The following ABAT variants were observed in gnomAD, a reference collection of about 807,000 sequenced individuals.
ABAT encodes the protein 4-aminobutyrate aminotransferase, also known as 4-aminobutyrate aminotransferase, mitochondrial.
Under a neutral mutation model 64.6 loss-of-function variants are expected in ABAT, and 45 were observed. The observed-to-expected ratio is 0.70, with a 90% CI of 0.55 to 0.89. The LOEUF is 0.89. Ranked by LOEUF, ABAT falls within the 40% of genes least tolerant of loss-of-function variation. The pLI is 0.00. For synonymous variants in ABAT, 297 were observed against 250.5 expected, an observed-to-expected ratio of 1.19 and a Z score of -1.75; for missense variants, 633 against 658.4, an observed-to-expected ratio of 0.96 and a Z score of 0.42.
intron 1 of ABAT, among the ~76,000 whole-genome samples, chr16:8,686,611 A>G (rs1314329119): frequency 6.6e-6 from 1 of 152,158 alleles, no homozygotes; most frequent in African/African-American, 2.4e-5. Context: ...GGAAATGGAA[A>G]CTCAGAAAGG....
intron 5 of ABAT, among the ~76,000 whole-genome samples, chr16:8,755,158 G>T (rs997086626): frequency 6.6e-6 from 1 of 151,702 alleles, no homozygotes; most frequent in African/African-American, 2.4e-5. Flanking sequence ...TTAACTCTCT[G>T]AGGCATGGTG....
rs1350732071 is a variant in ABAT, at chr16:8,746,001, G to T, written c.71G>T (p.Gly24Val). 1.2e-6 allele frequency: 2 copies of T among 1,613,600 alleles called. No homozygotes were observed. Among genetic ancestry groups the T allele is most frequent in the Admixed American group, 3.3e-5 (2 of 59,980 alleles). Reference protein sequence around the residue: ...FQHSYRLLVPGSRHISQAAAK... With the variant: ...FQHSYRLLVPVSRHISQAAAK... ...TTCTCATTGTCTTTGTTTACTGCAG[G>T]ATCCAGACACATTAGTCAAGCTGCA... The change falls in exon 3 of 16, where the codon GGA becomes GTA. Residue 24 changes from glycine (G) to valine (V), a missense_variant and splice_region_variant. Transcript: ENST00000268251.
At chr16:8,704,169 C>G (rs919934214) in intron 1 of ABAT, among the ~76,000 whole-genome samples, 1 of 152,234 alleles carries the variant, frequency 6.6e-6, no homozygotes, top group Non-Finnish European at 1.5e-5. Flanking sequence ...CACCTGGGAA[C>G]TAGAATCAAA....
At position 8,772,904 on chromosome 16, in the gene ABAT, A is replaced by G; in HGVS notation, c.941A>G (p.Asp314Gly). The change falls in exon 12 of 16, where the codon GAC (aspartate) becomes GGC (glycine). Residue 314 changes from aspartate to glycine, a missense_variant. Coordinates refer to ENST00000268251, the MANE Select transcript of ABAT (RefSeq NM_020686.6). ...GATGACTTCTTTCGGAAGCTGAGAG[A>G]CATCGCCAGGAAGGTCAGTGGACAG... Reference protein sequence around the residue: ...ASDDFFRKLRDIARKHGCAFL... With the variant: ...ASDDFFRKLRGIARKHGCAFL... 1 of 1,613,836 alleles carries G rather than the reference A, an allele frequency of 6.2e-7. No homozygotes were observed. The highest frequency in any genetic ancestry group is 8.5e-7 in the Non-Finnish European group (1 of 1,180,004).
intron 1 of ABAT, among the ~76,000 whole-genome samples, chr16:8,687,307 G>A (rs1341128659): frequency 2.6e-5 from 4 of 151,984 alleles, no homozygotes; most frequent in South Asian, 2.1e-4. Flanking sequence ...GGCGAATCAC[G>A]AGGTCAGGAG....
At chr16:8,740,100 A>T (rs1767331279) in intron 2 of ABAT, among the ~76,000 whole-genome samples, 1 of 152,092 alleles carries the variant, frequency 6.6e-6, no homozygotes, top group South Asian at 2.1e-4. Flanking sequence ...CCTTAAGGTA[A>T]AGGAAACTTC....
intron 12 of ABAT, 133 bp from the exon 13 acceptor site, chr16:8,774,757 G>A: frequency 1.9e-6 from 2 of 1,033,742 alleles, no homozygotes; most frequent in African/African-American, 1.6e-5. Flanking sequence ...AAGAACATGG[G>A]GCTGGTTTGC....
intron 6 of ABAT, among the ~76,000 whole-genome samples, chr16:8,763,859 C>G (rs566458558): frequency 6.6e-6 from 1 of 152,246 alleles, no homozygotes; most frequent in Non-Finnish European, 1.5e-5. Flanking sequence ...AACCAGGACA[C>G]TGACCCTTTT....
At chr16:8,713,807 CAGAAGGCA>C in intron 1 of ABAT, 1 of 455,000 alleles carries the variant, frequency 2.2e-6, no homozygotes. Flanking sequence ...GAATGGCATA[CAGAAGGCA>C]TTTTAAGCAA....
At chr16:8,774,197 G>T (rs1196447828) in intron 12 of ABAT, among the ~76,000 whole-genome samples, 5 of 152,152 alleles carry the variant, frequency 3.3e-5, no homozygotes, top group Non-Finnish European at 2.9e-5. Flanking sequence ...CTCCCAAAGT[G>T]CTGGAATTAC....
chr16:8,739,986 T>C lies in ABAT; in HGVS notation c.70+4177T>C, dbSNP rs143419165. Among the ~76,000 whole-genome samples, 879 of 151,776 alleles carry C rather than the reference T, an allele frequency of 5.8e-3. 4 individuals are homozygous for C. The highest frequency in any genetic ancestry group is 0.037 in the Middle Eastern group (11 of 294). On this transcript the variant is annotated intron_variant, in intron 2 of 15. Coordinates refer to ENST00000268251, the MANE Select transcript of ABAT (RefSeq NM_020686.6). ...GTGTTGGCAAAGATACAGGAATACG[T>C]GTACTCTCGTACACTGCTATTAGGC...
At chr16:8,678,108 C>A (rs2057247048) in intron 1 of ABAT, among the ~76,000 whole-genome samples, 1 of 152,194 alleles carries the variant, frequency 6.6e-6, no homozygotes, top group African/African-American at 2.4e-5. Flanking sequence ...CTTGCACAAG[C>A]TCCTCGTTTT....
At chr16:8,738,622 G>GTTTTTTTTTTT (rs1204824310) in intron 2 of ABAT, among the ~76,000 whole-genome samples, 1 of 111,372 alleles carries the variant, frequency 9.0e-6, no homozygotes, top group African/African-American at 4.6e-5. Context: ...TTTTGTTTTT[G>GTTTTTTTTTTT]TTTTTGTTTT....
intron 1 of ABAT, among the ~76,000 whole-genome samples, chr16:8,691,722 T>C (rs1361703264): frequency 6.6e-6 from 1 of 152,154 alleles, no homozygotes; most frequent in African/African-American, 2.4e-5. Flanking sequence ...ATTACAGGTG[T>C]GAGCCACCGC....
At chr16:8,716,340 T>C (rs901424471) in intron 1 of ABAT, among the ~76,000 whole-genome samples, 1 of 152,170 alleles carries the variant, frequency 6.6e-6, no homozygotes, top group African/African-American at 2.4e-5. Context: ...AGAAGGTTGT[T>C]CTGATGGGTA....
chr16:8,759,883 T>C (rs960983261), intron 6 of ABAT, among the ~76,000 whole-genome samples: 2 of 152,206 alleles, frequency 1.3e-5, no homozygotes, highest in Non-Finnish European at 2.9e-5. Context: ...AATGGAGTTT[T>C]GCAGTGTGTA....
chr16:8,677,824 G>A (rs933584454), intron 1 of ABAT, among the ~76,000 whole-genome samples: 4 of 152,140 alleles, frequency 2.6e-5, no homozygotes, highest in Admixed American at 1.3e-4. Flanking sequence ...TAGCTGAGGC[G>A]GGTGGATGGC....
At chr16:8,765,800 A>G (rs969948886) in intron 8 of ABAT, 3 of 154,816 alleles carry the variant, frequency 1.9e-5, no homozygotes, top group African/African-American at 7.2e-5. Flanking sequence ...TAAATATTCT[A>G]AATTGCAGAG....
chr16:8,733,377 A>G (rs1235505098), intron 1 of ABAT, among the ~76,000 whole-genome samples: 1 of 150,106 alleles, frequency 6.7e-6, no homozygotes, highest in Non-Finnish European at 1.5e-5. Flanking sequence ...GGCTCCTCAC[A>G]TCCCAGACGA....
Sources: allele counts gnomAD v4.1 joint callset (sites outside exome capture counted in the v4.1 genomes callset), GRCh38; gene constraint gnomAD v4.1.1; transcripts MANE v1.5; gene names NCBI Gene and HGNC (gene_info 2026-07-23, HGNC 2026-07-21).